XRN2: variants seen among roughly 807,000 people sequenced by gnomAD.
XRN2 encodes the protein DHM1-like protein.
XRN2 carries 44 observed loss-of-function variants against 138.5 expected under a neutral mutation model. The ratio of observed to expected loss-of-function variants is 0.32; its 90% CI spans 0.25 to 0.41. The LOEUF is 0.41. Ranked by LOEUF, XRN2 falls within the 10% of genes least tolerant of loss-of-function variation. The pLI is 1.00. For missense variants in XRN2, 937 were observed against 1,169.3 expected (o/e 0.80, Z 2.90); for synonymous variants, 354 against 369.4 (o/e 0.96, Z 0.48).
chr20:21,303,758 G>T, intron 1 of XRN2: 1 of 1,189,492 alleles, frequency 8.4e-7, no homozygotes, highest in Non-Finnish European at 1.0e-6. Context: ...GGCACCGGAA[G>T]GCCCCGCCCA....
chr20:21,365,647 GC>G lies in XRN2; in HGVS notation c.2400del (p.Phe801LeufsTer21), dbSNP rs1175187998. On this transcript the variant is annotated frameshift_variant, in exon 26 of 30. Transcript: ENST00000377191. LOFTEE classifies it high-confidence loss of function. ...SNGRQWKPQL[G>X]FNRDRRPVHL... is the part of the protein sequence containing the mutation. ...GGACGGCAGTGGAAGCCTCAGCTTGGCTTTAACCGTGACCGGAGGCCTGTGC... is the reference window on the plus strand; with the variant it reads ...GGACGGCAGTGGAAGCCTCAGCTTGGTTTAACCGTGACCGGAGGCCTGTGC... 1 of 1,613,064 alleles carries G rather than the reference GC, an allele frequency of 6.2e-7. No homozygotes were observed. The highest frequency in any genetic ancestry group is 8.5e-7 in the Non-Finnish European group (1 of 1,179,926).
At chr20:21,335,785 A>G (rs951266932) in intron 13 of XRN2, among the ~76,000 whole-genome samples, 1 of 152,188 alleles carries the variant, frequency 6.6e-6, no homozygotes, top group African/African-American at 2.4e-5. Context: ...TTGAGTTGGC[A>G]TTAGAGGAGG....
intron 27 of XRN2, among the ~76,000 whole-genome samples, chr20:21,372,771 A>C (rs4815041): frequency 0.68 from 102,638 of 151,732 alleles, 35,465 homozygotes; most frequent in South Asian, 0.84. Flanking sequence ...TCAGTAGAAA[A>C]GTGTCAGTCC....
chr20:21,386,822 G>A lies in XRN2; in HGVS notation c.2649-46G>A, dbSNP rs116329887. ...ACCTGCCGATTTTAGGCTTTGTGCT[G>A]TATAATAGGTGTGGCTTCTGATGTA... On this transcript the variant is annotated intron_variant, in intron 28 of 29. Coordinates refer to ENST00000377191, the MANE Select transcript of XRN2 (RefSeq NM_012255.5). 1,517 of 1,590,872 alleles carry A rather than the reference G, an allele frequency of 9.5e-4. 18 individuals carry two copies. The African/African-American group carries it at 0.018, about 19-fold the overall frequency.
chr20:21,368,864 G>A (rs1413614964), intron 27 of XRN2, among the ~76,000 whole-genome samples: 4 of 151,938 alleles, frequency 2.6e-5, no homozygotes, highest in Non-Finnish European at 4.4e-5. Context: ...ATCACATCAG[G>A]GTAGATGGGG....
intron 1 of XRN2, among the ~76,000 whole-genome samples, chr20:21,324,469 T>A (rs1285154438): frequency 1.3e-5 from 2 of 151,424 alleles, no homozygotes; most frequent in Admixed American, 6.6e-5. Flanking sequence ...TATTCATAAC[T>A]TTCTGTAAGT....
intron 28 of XRN2, among the ~76,000 whole-genome samples, chr20:21,386,442 A>T (rs1371578594): frequency 6.6e-6 from 1 of 152,234 alleles, no homozygotes; most frequent in Admixed American, 6.5e-5. Flanking sequence ...ACCTGCAATT[A>T]AGTAGAAAGA....
intron 24 of XRN2, among the ~76,000 whole-genome samples, chr20:21,363,503 C>T (rs944676046): frequency 1.3e-5 from 2 of 152,206 alleles, no homozygotes; most frequent in African/African-American, 2.4e-5. Flanking sequence ...CTACCTTGCC[C>T]TGCCCCATGC....
At chr20:21,328,344 C>T (rs2038156337) in intron 3 of XRN2, among the ~76,000 whole-genome samples, 1 of 152,164 alleles carries the variant, frequency 6.6e-6, no homozygotes, top group South Asian at 2.1e-4. Context: ...TTTGACGTGG[C>T]ACTCATTCAC....
At position 21,365,399 on chromosome 20, in the gene XRN2, ATTGTTTC is replaced by A; in HGVS notation, c.2256-16_2256-10del. ...CAGGCTGATATAATCAGATCATTGA[ATTGTTTC>A]TTGTTCTTTTCCAGTATTAATTTTA... is the stretch of plus-strand genomic sequence containing the variant. On this transcript the variant is annotated splice_polypyrimidine_tract_variant and intron_variant, in intron 24 of 29. Transcript: ENST00000377191. 1.2e-6 allele frequency: 2 copies of A among 1,608,012 alleles called. No individual in the cohort carries two copies. The highest frequency in any genetic ancestry group is 8.5e-7 in the Non-Finnish European group (1 of 1,176,340).
chr20:21,376,281 G>A (rs780123079), intron 27 of XRN2, among the ~76,000 whole-genome samples: 23 of 152,120 alleles, frequency 1.5e-4, no homozygotes, highest in African/African-American at 2.2e-4. Flanking sequence ...GTTGAGCCCC[G>A]GGAGTTTGAG....
chr20:21,349,292 C>T (rs905892228), intron 19 of XRN2, 97 bp from the exon 20 acceptor site: 7 of 854,116 alleles, frequency 8.2e-6, no homozygotes, highest in Non-Finnish European at 1.4e-5. Flanking sequence ...TTTATTTTCT[C>T]ATCAGACCTT....
intron 15 of XRN2, 28 bp from the exon 16 acceptor site, chr20:21,344,059 CCTT>C (rs1170943009): frequency 3.3e-6 from 5 of 1,498,640 alleles, no homozygotes; most frequent in African/African-American, 1.4e-5. Context: ...ATAATGAAAT[CCTT>C]CTTCTGTAAT....
intron 23 of XRN2, among the ~76,000 whole-genome samples, chr20:21,357,012 A>G (rs1197947380): frequency 6.6e-6 from 1 of 152,200 alleles, no homozygotes; most frequent in African/African-American, 2.4e-5. Context: ...GAAGCAGAGG[A>G]GAGTAGCTAT....
chr20:21,366,161 G>A (rs1409708970), intron 26 of XRN2, among the ~76,000 whole-genome samples: 1 of 21,886 alleles, frequency 4.6e-5, no homozygotes, highest in East Asian at 4.1e-3. Flanking sequence ...TATATTTATA[G>A]TTTATATAAT....
intron 27 of XRN2, among the ~76,000 whole-genome samples, chr20:21,374,843 G>A (rs1008107871): frequency 6.6e-6 from 1 of 151,734 alleles, no homozygotes; most frequent in African/African-American, 2.4e-5. Flanking sequence ...TTCTCTGTAT[G>A]GGTTATCGTT....
At chr20:21,330,362 G>C in intron 4 of XRN2, 119 bp from the exon 5 acceptor site, 3 of 896,538 alleles carry the variant, frequency 3.3e-6, no homozygotes, top group Non-Finnish European at 3.3e-6. Flanking sequence ...TTTTTCCTCG[G>C]ATGACGAGAC....
chr20:21,327,026 T>A (rs1323604455), intron 3 of XRN2, among the ~76,000 whole-genome samples: 1 of 151,966 alleles, frequency 6.6e-6, no homozygotes, highest in Non-Finnish European at 1.5e-5. Flanking sequence ...AATTGGGAGA[T>A]TGGTGGGTGG....
chr20:21,340,591 A>G (rs984852205), intron 14 of XRN2, 130 bp from the exon 15 acceptor site: 10 of 932,834 alleles, frequency 1.1e-5, no homozygotes, highest in African/African-American at 1.7e-5. Context: ...AACGAAGATC[A>G]TTTGGTTTTT....
Sources: gnomAD v4.1 joint callset for allele counts (sites outside exome capture counted in the v4.1 genomes callset) on GRCh38, gnomAD v4.1.1 for gene constraint, MANE v1.5 for transcripts, NCBI Gene and HGNC (gene_info 2026-07-23, HGNC 2026-07-21) for gene names.